Variants in PRKCZ observed in about 807,000 individuals in gnomAD.
The protein encoded by PRKCZ is protein kinase C zeta type.
Under a neutral mutation model 79.5 loss-of-function variants are expected in PRKCZ, and 33 were observed. The ratio of observed to expected loss-of-function variants is 0.41; its 90% CI spans 0.31 to 0.55. The LOEUF is 0.55. PRKCZ is among the 20% of genes least tolerant of loss of function. PRKCZ has a pLI of 0.19. For synonymous variants in PRKCZ, 342 were observed against 320.9 expected, an observed-to-expected ratio of 1.07 and a Z score of -0.70; for missense variants, 578 against 813.5, an observed-to-expected ratio of 0.71 and a Z score of 3.52.
In PRKCZ at chr1:2,174,692, G is replaced by A; in HGVS notation, c.1406-62G>A. ...AAGCTCTTGCTCAGAGTCAGAGTCTGGGCGGCACTGGGCAAATGGCACACA... is the reference window on the plus strand; with the variant it reads ...AAGCTCTTGCTCAGAGTCAGAGTCTAGGCGGCACTGGGCAAATGGCACACA... On this transcript the variant is annotated intron_variant, in intron 14 of 17. Transcript: ENST00000378567. This position sits in a 1 kb window ranked among gnomAD's most constrained non-coding sequence, Gnocchi z 6.2. 1 of 1,535,376 alleles carries A rather than the reference G, an allele frequency of 6.5e-7. No homozygotes were observed. The highest frequency in any genetic ancestry group is 9.0e-7 in the Non-Finnish European group (1 of 1,112,168).
chr1:2,110,001 G>A (rs994995455), intron 4 of PRKCZ, among the ~76,000 whole-genome samples: 9 of 152,336 alleles, frequency 5.9e-5, no homozygotes, highest in Non-Finnish European at 1.3e-4. Flanking sequence ...CGGAGGAGCC[G>A]GCCAGCATGG....
chr1:2,100,607 G>A (rs1667275499), intron 4 of PRKCZ, among the ~76,000 whole-genome samples: 1 of 152,204 alleles, frequency 6.6e-6, no homozygotes, highest in Admixed American at 6.5e-5. Flanking sequence ...TGTTCCTTCT[G>A]GGGTGTGCGA....
At chr1:2,170,647 C>A (rs972819436) in intron 11 of PRKCZ, among the ~76,000 whole-genome samples, 11 of 152,216 alleles carry the variant, frequency 7.2e-5, no homozygotes, top group African/African-American at 2.4e-4. Flanking sequence ...CCCTCCCTGT[C>A]CCCCGCCCCA....
At position 2,169,052 on chromosome 1, in the gene PRKCZ, C is replaced by T. The variant is rs1187368865; in HGVS notation, c.975-466C>T. On this transcript the variant is annotated intron_variant, in intron 10 of 17. Coordinates refer to ENST00000378567, the MANE Select transcript of PRKCZ (RefSeq NM_002744.6). ...GACCCCAGCTTGTTCCCTTGGAGGG[C>T]CGGTGGACTCCTCAGCCTTGCAGCA... 3 of 428,070 alleles carry T rather than the reference C, an allele frequency of 7.0e-6. No homozygotes were observed. The Admixed American group carries it at 7.3e-5, about 10-fold the overall frequency. 26.5% of individuals were successfully genotyped at this position (428,070 alleles called of 1,614,324 possible). A position where few individuals can be genotyped will look rare whatever the true frequency, so the allele number is the denominator to read the frequency against.
intron 4 of PRKCZ, among the ~76,000 whole-genome samples, chr1:2,096,188 G>A (rs911989745): frequency 1.3e-5 from 2 of 151,946 alleles, no homozygotes; most frequent in Non-Finnish European, 2.9e-5. Flanking sequence ...TGGCCTCTGG[G>A]TGGGTGGTGG....
intron 4 of PRKCZ, among the ~76,000 whole-genome samples, chr1:2,113,951 A>G (rs1670236286): frequency 6.6e-6 from 1 of 152,134 alleles, no homozygotes; most frequent in East Asian, 1.9e-4. Flanking sequence ...CACAGCATCC[A>G]TGCCCTGGGG....
At chr1:2,058,514 T>A (rs6698965) in intron 3 of PRKCZ, among the ~76,000 whole-genome samples, 23,734 of 152,052 alleles carry the variant, frequency 0.16, 2,143 homozygotes, top group East Asian at 0.25. Flanking sequence ...AATCTAGTCC[T>A]TTTTATTGTG....
chr1:2,155,867 T>A, intron 9 of PRKCZ, 128 bp from the exon 10 acceptor site: 1 of 797,986 alleles, frequency 1.3e-6, no homozygotes, highest in South Asian at 1.5e-5. Context: ...AATGGGTGTT[T>A]TCTTTTCCTG....
chr1:2,099,305 T>C (rs989344807), intron 4 of PRKCZ, among the ~76,000 whole-genome samples: 4 of 152,216 alleles, frequency 2.6e-5, no homozygotes, highest in Non-Finnish European at 5.9e-5. Context: ...TGAGACCTTT[T>C]CCCAGCTGGA....
chr1:2,122,873 TCAC>T (rs1281425141), intron 4 of PRKCZ, among the ~76,000 whole-genome samples: 1 of 44,630 alleles, frequency 2.2e-5, no homozygotes, highest in African/African-American at 1.7e-4. Context: ...GTGGTTAGGG[TCAC>T]GGTGGTGGTT....
Position 2,165,042 on chromosome 1 carries a change from C to T in PRKCZ, c.975-4476C>T, listed in dbSNP as rs950484865. ...CCCCATTGTCGCTGGGACACACTGC[C>T]CTCCAGTGCTCGAGTGCATTTCCTG... On this transcript the variant is annotated intron_variant, in intron 10 of 17. Transcript: ENST00000378567. The surrounding 1 kb of genome is among the most constrained non-coding windows in gnomAD (Gnocchi z 4.1). Among the ~76,000 whole-genome samples, 9 of 152,200 alleles carry T rather than the reference C, an allele frequency of 5.9e-5. No homozygotes were observed. The highest frequency in any genetic ancestry group is 2.2e-4 in the African/African-American group (9 of 41,442).
chr1:2,149,476 C>T lies in PRKCZ; in HGVS notation c.687+552C>T, dbSNP rs887670233. Among the ~76,000 whole-genome samples, 3 of 152,214 alleles carry T rather than the reference C, an allele frequency of 2.0e-5. No homozygotes were observed. The highest frequency in any genetic ancestry group is 6.5e-5 in the Admixed American group (1 of 15,280). ...GGAAGGACTGCACTAGCGAAGCCCA[C>T]TCCTTTCCAGAGCACCAACAAGTGT... On this transcript the variant is annotated intron_variant, in intron 8 of 17. Coordinates refer to ENST00000378567, the MANE Select transcript of PRKCZ (RefSeq NM_002744.6). This position sits in a 1 kb window ranked among gnomAD's most constrained non-coding sequence, Gnocchi z 4.1.
chr1:2,111,389 C>T (rs1472155104), intron 4 of PRKCZ, among the ~76,000 whole-genome samples: 1 of 151,478 alleles, frequency 6.6e-6, no homozygotes, highest in South Asian at 2.1e-4. Context: ...GCTGAGCCTC[C>T]GAGAAGTGAT....
chr1:2,050,157 G>A (rs1434455623), upstream of PRKCZ: 4 of 152,090 alleles, frequency 2.6e-5, no homozygotes, highest in Admixed American at 6.5e-5. Context: ...CAGAGGCCGG[G>A]GCCCCTCCGG....
In PRKCZ at chr1:2,174,789, C is replaced by T. The variant is rs888824482; in HGVS notation, c.1441C>T (p.Leu481=). 1.9e-6 allele frequency: 3 copies of T among 1,614,196 alleles called. No homozygotes were observed. The Admixed American group carries it at 5.0e-5, about 27-fold the overall frequency. Residue 481 remains leucine (L), a synonymous_variant, in exon 15 of 18, where the codon CTG becomes TTG. Transcript: ENST00000378567. The surrounding 1 kb of genome is among the most constrained non-coding windows in gnomAD (Gnocchi z 6.2). ...GAAGCCCATCCGGATCCCCCGGTTC[C>T]TGTCCGTCAAAGCCTCCCATGTTTT... The part of the protein sequence containing the change: ...LEKPIRIPRF[L]SVKASHVLKG...
In PRKCZ at chr1:2,094,477, T is replaced by C. The variant is rs1666085755; in HGVS notation, c.334+34886T>C. Among the ~76,000 whole-genome samples the C allele has an allele frequency of 6.9e-6, 1 of 145,132 alleles. No individual in the cohort carries two copies. Among genetic ancestry groups the C allele is most frequent in the South Asian group, 2.2e-4 (1 of 4,566 alleles). ...GCCCGGCTCGTTGAACCTTGGGCGC[T>C]GCCCGTTCTGAGGCGCCCTCTGTGC... On this transcript the variant is annotated intron_variant, in intron 4 of 17. Coordinates refer to ENST00000378567, the MANE Select transcript of PRKCZ (RefSeq NM_002744.6). The surrounding 1 kb of genome is among the most constrained non-coding windows in gnomAD (Gnocchi z 7.3).
chr1:2,109,772 G>A (rs1297498155), intron 4 of PRKCZ, among the ~76,000 whole-genome samples: 2 of 152,198 alleles, frequency 1.3e-5, no homozygotes, highest in South Asian at 4.1e-4. Flanking sequence ...TGAGGTCCAG[G>A]CCATGGGCCT....
At position 2,149,081 on chromosome 1, in the gene PRKCZ, T is replaced by G. The variant is rs1241267642; in HGVS notation, c.687+157T>G. 6.6e-6 allele frequency among the ~76,000 whole-genome samples: 1 copy of G among 152,212 alleles called. No homozygotes were observed. The highest frequency in any genetic ancestry group is 1.5e-5 in the Non-Finnish European group (1 of 68,034). ...GGTGTGGATGTCTAGAAGGAAGTCC[T>G]TATTCTTGGGTCTTACTTCAGGCAT... is the stretch of plus-strand genomic sequence containing the variant. On this transcript the variant is annotated intron_variant, in intron 8 of 17. Coordinates refer to ENST00000378567, the MANE Select transcript of PRKCZ (RefSeq NM_002744.6). This position sits in a 1 kb window ranked among gnomAD's most constrained non-coding sequence, Gnocchi z 4.1.
At chr1:2,142,562 G>C in intron 5 of PRKCZ, 1 of 262,922 alleles carries the variant, frequency 3.8e-6, no homozygotes, top group East Asian at 1.3e-4. Flanking sequence ...CAGAGGTCTT[G>C]GGTGGGATGC....
Sources: allele counts gnomAD v4.1 joint callset (sites outside exome capture counted in the v4.1 genomes callset), GRCh38; gene constraint gnomAD v4.1.1; non-coding constraint Gnocchi (gnomAD v3.1); transcripts MANE v1.5; gene names NCBI Gene and HGNC (gene_info 2026-07-23, HGNC 2026-07-21).